Variants in GALNT10 observed in about 807,000 individuals in gnomAD.
GALNT10 encodes the protein polypeptide N-acetylgalactosaminyltransferase 10, also known as GalNAc transferase 10.
Under a neutral mutation model 75.0 loss-of-function variants are expected in GALNT10, and 41 were observed. The ratio of observed to expected loss-of-function variants is 0.55; its 90% CI spans 0.43 to 0.71. The LOEUF (loss-of-function observed/expected upper bound fraction) is 0.71, where lower values mean the gene tolerates loss of function less well. GALNT10 is among the 30% of genes least tolerant of loss of function. The pLI is 0.00. For missense variants in GALNT10, 727 were observed against 818.5 expected (o/e 0.89, Z 1.36); for synonymous variants, 302 against 313.0 (o/e 0.96, Z 0.37).
rs758517873 is a variant in GALNT10 at position 154,415,763 on chromosome 5, T to G, written c.1504-20T>G. ...AGTCCTTGGCTTTGCTATCCCTATT[T>G]ATGATGCCCCTGTGCACAGGTATTC... is the stretch of plus-strand genomic sequence containing the variant. On this transcript the variant is annotated intron_variant, in intron 10 of 11. Transcript: ENST00000297107. 1.2e-6 allele frequency: 2 copies of G among 1,600,112 alleles called. No individual in the cohort carries two copies. The highest frequency in any genetic ancestry group is 1.1e-5 in the South Asian group (1 of 89,856).
intron 1 of GALNT10, among the ~76,000 whole-genome samples, chr5:154,281,717 T>C (rs965730467): frequency 2.0e-5 from 3 of 152,186 alleles, no homozygotes; most frequent in African/African-American, 7.2e-5. Flanking sequence ...ATTTGAATGG[T>C]TCAAACAAGA....
At chr5:154,386,495 T>C in intron 7 of GALNT10, 65 bp downstream of exon 7, 1 of 1,008,592 alleles carries the variant, frequency 9.9e-7, no homozygotes, top group East Asian at 2.4e-5. Context: ...CCAGTAGGTG[T>C]CTCAGCTTCT....
chr5:154,405,615 TC>T (rs1451307817), intron 8 of GALNT10, among the ~76,000 whole-genome samples: 1 of 152,064 alleles, frequency 6.6e-6, no homozygotes, highest in Non-Finnish European at 1.5e-5. Flanking sequence ...ATGGGGACAC[TC>T]CAACTCCAGA....
chr5:154,330,858 G>A (rs1453303986), intron 4 of GALNT10, among the ~76,000 whole-genome samples: 5 of 151,536 alleles, frequency 3.3e-5, no homozygotes, highest in East Asian at 1.9e-4. Context: ...TTTTAATACC[G>A]CACTCTTAAT....
chr5:154,265,685 T>C (rs1753765832), intron 1 of GALNT10, among the ~76,000 whole-genome samples: 2 of 152,210 alleles, frequency 1.3e-5, no homozygotes, highest in South Asian at 4.1e-4. Flanking sequence ...GTCCCATATG[T>C]CCTGGTTTAG....
At chr5:154,357,930 C>G (rs186535523) in intron 4 of GALNT10, among the ~76,000 whole-genome samples, 116 of 152,236 alleles carry the variant, frequency 7.6e-4, no homozygotes, top group African/African-American at 2.7e-3. Context: ...ATGACAACTG[C>G]GTGGAAGAGA....
chr5:154,262,725 C>T (rs1179464351), intron 1 of GALNT10, among the ~76,000 whole-genome samples: 4 of 152,170 alleles, frequency 2.6e-5, no homozygotes, highest in Non-Finnish European at 5.9e-5. Context: ...TCCCTGGAGG[C>T]TGCACCCTCA....
At chr5:154,334,449 G>A (rs1754912136) in intron 4 of GALNT10, among the ~76,000 whole-genome samples, 1 of 152,250 alleles carries the variant, frequency 6.6e-6, no homozygotes, top group African/African-American at 2.4e-5. Context: ...CGTATAGGCT[G>A]GCAGACCTGT....
intron 1 of GALNT10, among the ~76,000 whole-genome samples, chr5:154,201,314 G>A (rs1775025188): frequency 6.6e-6 from 1 of 152,086 alleles, no homozygotes; most frequent in African/African-American, 2.4e-5. Flanking sequence ...CAAAAACTGA[G>A]GTTCAAAGAG....
intron 1 of GALNT10, among the ~76,000 whole-genome samples, chr5:154,261,640 G>T (rs1561643840): frequency 2.6e-5 from 4 of 152,106 alleles, no homozygotes; most frequent in Admixed American, 2.0e-4. Flanking sequence ...GGAACCAGAG[G>T]TCTCATACCT....
chr5:154,285,063 T>A (rs1192658611), intron 1 of GALNT10, among the ~76,000 whole-genome samples: 1 of 152,146 alleles, frequency 6.6e-6, no homozygotes, highest in Non-Finnish European at 1.5e-5. Flanking sequence ...AAGTCCAGTG[T>A]GGGCAGTTTT....
chr5:154,206,802 G>A (rs562355423), intron 1 of GALNT10, among the ~76,000 whole-genome samples: 1 of 152,338 alleles, frequency 6.6e-6, no homozygotes, highest in African/African-American at 2.4e-5. Context: ...CAGGGAGGCT[G>A]GCCTGCAGGA....
chr5:154,321,138 T>C (rs1388491778), intron 3 of GALNT10, among the ~76,000 whole-genome samples: 1 of 152,208 alleles, frequency 6.6e-6, no homozygotes, highest in Non-Finnish European at 1.5e-5. Context: ...ATCACATCTC[T>C]ATCTAACCCT....
At chr5:154,265,996 C>T (rs886805984) in intron 1 of GALNT10, among the ~76,000 whole-genome samples, 1 of 151,944 alleles carries the variant, frequency 6.6e-6, no homozygotes, top group Non-Finnish European at 1.5e-5. Flanking sequence ...CATCCAGAAG[C>T]TTTCTTTCTG....
intron 1 of GALNT10, among the ~76,000 whole-genome samples, chr5:154,291,397 GC>G (rs917466517): frequency 1.3e-5 from 2 of 152,114 alleles, no homozygotes; most frequent in African/African-American, 4.8e-5. Context: ...TGTTAGAAAT[GC>G]AGAATCTCAG....
At chr5:154,213,877 C>T (rs894545902) in intron 1 of GALNT10, among the ~76,000 whole-genome samples, 3 of 152,218 alleles carry the variant, frequency 2.0e-5, no homozygotes, top group Non-Finnish European at 4.4e-5. Flanking sequence ...ACCATGTGCA[C>T]AGCCTGTATT....
chr5:154,323,850 C>A (rs1293563815), intron 3 of GALNT10, among the ~76,000 whole-genome samples: 1 of 152,252 alleles, frequency 6.6e-6, no homozygotes, highest in African/African-American at 2.4e-5. Context: ...CTTCAAGCCC[C>A]ATTACAGGGG....
At chr5:154,229,768 G>A (rs1042694033) in intron 1 of GALNT10, among the ~76,000 whole-genome samples, 1 of 151,878 alleles carries the variant, frequency 6.6e-6, no homozygotes, top group African/African-American at 2.4e-5. Context: ...ATGCAATCAC[G>A]GACCAGGACA....
At chr5:154,269,146 C>T (rs1007920362) in intron 1 of GALNT10, among the ~76,000 whole-genome samples, 4 of 122,742 alleles carry the variant, frequency 3.3e-5, no homozygotes, top group East Asian at 2.1e-4. Context: ...CCACCACACC[C>T]GGCTAATTTT....
Sources: gnomAD v4.1 joint callset for allele counts (sites outside exome capture counted in the v4.1 genomes callset) on GRCh38, gnomAD v4.1.1 for gene constraint, MANE v1.5 for transcripts, NCBI Gene and HGNC (gene_info 2026-07-23, HGNC 2026-07-21) for gene names.